The following LPAR1 variants were observed in gnomAD, a reference collection of about 807,000 sequenced individuals.
LPAR1 encodes LPA receptor 1.
A neutral mutation model predicts 23.8 loss-of-function variants in LPAR1; 5 were observed. The ratio of observed to expected loss-of-function variants is 0.21; its 90% confidence interval spans 0.11 to 0.44. The LOEUF (loss-of-function observed/expected upper bound fraction) is 0.44, where lower values mean the gene tolerates loss of function less well. Ranked by LOEUF, LPAR1 falls within the 20% of genes least tolerant of loss-of-function variation. The pLI is 0.99. For missense variants in LPAR1, 311 were observed against 482.8 expected (o/e 0.64, Z 3.33); for synonymous variants, 160 against 164.7 (o/e 0.97, Z 0.22).
intron 5 of LPAR1, among the ~76,000 whole-genome samples, chr9:110,939,003 G>A (rs1313375929): frequency 6.6e-6 from 1 of 152,150 alleles, no homozygotes; most frequent in Non-Finnish European, 1.5e-5. Flanking sequence ...ACACTGTTAC[G>A]CTAACAAACT....
chr9:110,874,389 C>T lies in LPAR1; in HGVS notation c.*1032G>A, dbSNP rs1013562546. 4.6e-5 allele frequency: 7 copies of T among 152,536 alleles called. No homozygotes were observed. Among genetic ancestry groups the T allele is most frequent in the African/African-American group, 1.7e-4 (7 of 41,414 alleles). The allele number at this position is 152,536 out of a possible 1,614,324, so 9.4% of individuals were successfully genotyped here. On this transcript the variant is annotated 3_prime_UTR_variant, in exon 6 of 6. Coordinates refer to ENST00000683809, the MANE Select transcript of LPAR1 (RefSeq NM_001351411.2). ...ACTTATAAAACTGTTTACAGTATGA[C>T]TCCAATTATGTAAAAAAAGTATACA...
chr9:110,979,136 G>C (rs1342263782), intron 2 of LPAR1, among the ~76,000 whole-genome samples: 1 of 152,042 alleles, frequency 6.6e-6, no homozygotes, highest in Non-Finnish European at 1.5e-5. Context: ...TAATGCATTT[G>C]TTAATTAGCT....
At chr9:110,964,786 G>C (rs1327425968) in intron 4 of LPAR1, among the ~76,000 whole-genome samples, 1 of 147,726 alleles carries the variant, frequency 6.8e-6, no homozygotes, top group Non-Finnish European at 1.5e-5. Context: ...ATTTTGTTGA[G>C]AGTACCTATT....
At chr9:110,897,071 T>C (rs939791723) in intron 5 of LPAR1, among the ~76,000 whole-genome samples, 4 of 152,060 alleles carry the variant, frequency 2.6e-5, no homozygotes, top group African/African-American at 9.7e-5. Flanking sequence ...ACAGGCGTGA[T>C]TTAGTGAACT....
Position 110,982,861 on chromosome 9 carries a change from T to TACACACACACAC in LPAR1, c.-181-9315_-181-9304dup, listed in dbSNP as rs55748505. Among the ~76,000 whole-genome samples the TACACACACACAC allele has an allele frequency of 4.2e-3, 587 of 139,998 alleles. 2 individuals are homozygous for TACACACACACAC. Among genetic ancestry groups the TACACACACACAC allele is most frequent in the Middle Eastern group, 7.3e-3 (2 of 274 alleles). 91.8% of individuals were successfully genotyped at this position (139,998 alleles called of 152,430 possible). A position where few individuals can be genotyped will look rare whatever the true frequency, so the allele number is the denominator to read the frequency against. On this transcript the variant is annotated intron_variant, in intron 2 of 5. Coordinates refer to ENST00000683809, the MANE Select transcript of LPAR1 (RefSeq NM_001351411.2). ...ACTTCTACAAAAATGTATATACACA[T>TACACACACACAC]ACACACACACACACACACACACACA...
chr9:110,889,518 C>A (rs989811240), intron 5 of LPAR1, among the ~76,000 whole-genome samples: 2 of 152,108 alleles, frequency 1.3e-5, no homozygotes, highest in African/African-American at 4.8e-5. Context: ...TTAAAAAATT[C>A]TAAATCAGAA....
chr9:110,896,258 AT>A (rs1212820047), intron 5 of LPAR1, among the ~76,000 whole-genome samples: 1 of 151,936 alleles, frequency 6.6e-6, no homozygotes, highest in Non-Finnish European at 1.5e-5. Context: ...ATTGCTGACA[AT>A]TTTCTTTTTG....
intron 5 of LPAR1, among the ~76,000 whole-genome samples, chr9:110,883,899 C>A (rs1021029617): frequency 1.2e-4 from 18 of 152,104 alleles, no homozygotes; most frequent in African/African-American, 4.1e-4. Context: ...ACCTAGGTGG[C>A]ACATTGTTTC....
chr9:110,952,579 G>C (rs778191272), intron 4 of LPAR1, among the ~76,000 whole-genome samples: 3 of 152,244 alleles, frequency 2.0e-5, no homozygotes, highest in Admixed American at 6.5e-5. Flanking sequence ...TGCTGCCCAC[G>C]ATAGCAGGGC....
intron 2 of LPAR1, among the ~76,000 whole-genome samples, chr9:111,026,787 T>C (rs2097700030): frequency 6.6e-6 from 1 of 152,238 alleles, no homozygotes. Flanking sequence ...GAGATAATCA[T>C]GTGGTTTTTG....
chr9:110,943,736 T>C (rs570438575), intron 4 of LPAR1, among the ~76,000 whole-genome samples: 1 of 151,996 alleles, frequency 6.6e-6, no homozygotes, highest in East Asian at 1.9e-4. Flanking sequence ...GGTGGGCACC[T>C]GTAATCCCAG....
At chr9:111,005,873 C>T (rs1233819037) in intron 2 of LPAR1, among the ~76,000 whole-genome samples, 1 of 152,182 alleles carries the variant, frequency 6.6e-6, no homozygotes, top group Non-Finnish European at 1.5e-5. Context: ...ACATCATCAG[C>T]AGTGTGTTGG....
intron 5 of LPAR1, among the ~76,000 whole-genome samples, chr9:110,936,212 T>C (rs1179767594): frequency 6.6e-6 from 1 of 152,202 alleles, no homozygotes; most frequent in Non-Finnish European, 1.5e-5. Context: ...TTTTTTCTCT[T>C]ATCCCTTAGC....
At chr9:110,974,776 C>G (rs2096516044) in intron 2 of LPAR1, among the ~76,000 whole-genome samples, 1 of 152,194 alleles carries the variant, frequency 6.6e-6, no homozygotes, top group African/African-American at 2.4e-5. Context: ...AATAAACAAC[C>G]CAGGAGAAAA....
intron 2 of LPAR1, among the ~76,000 whole-genome samples, chr9:111,005,883 G>T (rs887465262): frequency 1.3e-5 from 2 of 152,134 alleles, no homozygotes; most frequent in Non-Finnish European, 2.9e-5. Flanking sequence ...CAGTGTGTTG[G>T]TGTGCCCTGC....
chr9:110,993,033 A>G (rs1321769862), intron 2 of LPAR1, among the ~76,000 whole-genome samples: 5 of 152,210 alleles, frequency 3.3e-5, no homozygotes, highest in East Asian at 3.8e-4. Flanking sequence ...GAAAAACGCT[A>G]TTTTACAACT....
chr9:110,881,691 C>T (rs1361887322), intron 5 of LPAR1, among the ~76,000 whole-genome samples: 1 of 152,196 alleles, frequency 6.6e-6, no homozygotes, highest in Non-Finnish European at 1.5e-5. Flanking sequence ...CCATCCTAGC[C>T]AAGTGAGCAA....
intron 2 of LPAR1, among the ~76,000 whole-genome samples, chr9:110,984,956 T>C (rs1014001453): frequency 2.6e-5 from 4 of 152,050 alleles, no homozygotes; most frequent in Non-Finnish European, 5.9e-5. Context: ...AATCAGAATT[T>C]CCGTTTTAAA....
chr9:111,008,017 T>C (rs899176899), intron 2 of LPAR1, among the ~76,000 whole-genome samples: 5 of 151,906 alleles, frequency 3.3e-5, no homozygotes, highest in African/African-American at 7.3e-5. Context: ...CTACTAAAAA[T>C]ACAAAAATTA....
Sources: allele counts gnomAD v4.1 joint callset (sites outside exome capture counted in the v4.1 genomes callset), GRCh38; gene constraint gnomAD v4.1.1; transcripts MANE v1.5; gene names NCBI Gene and HGNC (gene_info 2026-07-23, HGNC 2026-07-21).